The following CACNA1B variants were observed in gnomAD, a reference collection of about 807,000 sequenced individuals.
CACNA1B encodes the protein voltage-dependent N-type calcium channel subunit alpha-1B.
In CACNA1B, 70 loss-of-function variants were observed where a neutral mutation model predicts 247.2. That is an observed-to-expected ratio of 0.28 (90% confidence interval 0.23 to 0.35). The LOEUF is 0.35. CACNA1B is among the 10% of genes least tolerant of loss of function. The pLI, the probability that CACNA1B is intolerant of heterozygous loss-of-function variation, is 1.00. For missense variants in CACNA1B, 2,367 were observed against 3,197.4 expected (o/e 0.74, Z 6.26); for synonymous variants, 1,231 against 1,294.4 (o/e 0.95, Z 1.05).
At chr9:138,103,669 A>G (rs536201268) in intron 38 of CACNA1B, among the ~76,000 whole-genome samples, 1 of 152,288 alleles carries the variant, frequency 6.6e-6, no homozygotes, top group African/African-American at 2.4e-5. Context: ...CACCTACTCA[A>G]GAGCCCTCCT....
rs1437215340 is a variant in CACNA1B, at chr9:137,954,505, G to T, written c.1071-1193G>T. The stretch of plus-strand genomic sequence containing the variant: ...GCTCTGTGGAGGGGGCCAGACTGCT[G>T]GGGGGAGTTGCTGCTGGGAGCTCTC... On this transcript the variant is annotated intron_variant, in intron 7 of 46. Coordinates refer to ENST00000371372, the MANE Select transcript of CACNA1B (RefSeq NM_000718.4). The surrounding 1 kb of genome is among the most constrained non-coding windows in gnomAD (Gnocchi z 4.1). 6.6e-6 allele frequency among the ~76,000 whole-genome samples: 1 copy of T among 152,170 alleles called. No individual in the cohort carries two copies. The highest frequency in any genetic ancestry group is 1.5e-5 in the Non-Finnish European group (1 of 68,012).
intron 34 of CACNA1B, among the ~76,000 whole-genome samples, chr9:138,074,703 A>G (rs1045978204): frequency 6.6e-6 from 1 of 152,228 alleles, no homozygotes; most frequent in Non-Finnish European, 1.5e-5. Context: ...TGAGGGCTGC[A>G]TGGGCTCCCG....
intron 36 of CACNA1B, among the ~76,000 whole-genome samples, chr9:138,095,698 T>A (rs1162502719): frequency 6.6e-6 from 1 of 152,118 alleles, no homozygotes; most frequent in Admixed American, 6.5e-5. Flanking sequence ...ATCATAATAG[T>A]CAAAAGGCAG....
intron 6 of CACNA1B, among the ~76,000 whole-genome samples, chr9:137,929,307 A>T (rs1159296579): frequency 1.3e-5 from 2 of 152,186 alleles, no homozygotes; most frequent in East Asian, 3.9e-4. Flanking sequence ...TAATCCCAGC[A>T]CTTTGGGAGG....
In CACNA1B at chr9:138,013,115, CTT is replaced by C; in HGVS notation, c.2161-12_2161-11del. The C allele has an allele frequency of 1.9e-6, 3 of 1,603,622 alleles. No homozygotes were observed. The highest frequency in any genetic ancestry group is 4.5e-5 in the East Asian group (2 of 44,804). On this transcript the variant is annotated splice_polypyrimidine_tract_variant and intron_variant, in intron 17 of 46. Coordinates refer to ENST00000371372, the MANE Select transcript of CACNA1B (RefSeq NM_000718.4). ...ACTGTGAGGGGAACTGGACATTTCT[CTT>C]TGCTCAAACAGGATGAAGAGGAGAT...
chr9:137,981,240 T>C (rs1328706486), intron 12 of CACNA1B, among the ~76,000 whole-genome samples: 1 of 152,166 alleles, frequency 6.6e-6, no homozygotes, highest in East Asian at 1.9e-4. Flanking sequence ...TGATTAGTGG[T>C]GTTGAGCATT....
chr9:138,119,964 A>T (rs1411633053), intron 44 of CACNA1B, among the ~76,000 whole-genome samples: 1 of 152,094 alleles, frequency 6.6e-6, no homozygotes, highest in Non-Finnish European at 1.5e-5. Context: ...GACACATGGG[A>T]TGGGGCGGGG....
intron 16 of CACNA1B, 69 bp from the exon 17 acceptor site, chr9:138,009,941 T>A: frequency 8.1e-7 from 1 of 1,239,042 alleles, no homozygotes; most frequent in South Asian, 1.2e-5. Flanking sequence ...TCTGGGGAGA[T>A]GGGGGAAGCT....
chr9:137,965,020 C>T (rs545078171), intron 10 of CACNA1B, among the ~76,000 whole-genome samples: 1 of 152,184 alleles, frequency 6.6e-6, no homozygotes. Context: ...TTGGTGGTAT[C>T]GCCAGTGAAG....
intron 5 of CACNA1B, among the ~76,000 whole-genome samples, chr9:137,916,253 G>A (rs554126937): frequency 3.3e-5 from 5 of 152,110 alleles, no homozygotes; most frequent in South Asian, 2.1e-4. Flanking sequence ...GGCTGGTCTC[G>A]AACTCCTGAG....
At position 137,950,596 on chromosome 9, in the gene CACNA1B, G is replaced by A. The variant is rs901523002; in HGVS notation, c.967-1678G>A. On this transcript the variant is annotated intron_variant, in intron 6 of 46. Coordinates refer to ENST00000371372, the MANE Select transcript of CACNA1B (RefSeq NM_000718.4). This position sits in a 1 kb window ranked among gnomAD's most constrained non-coding sequence, Gnocchi z 4.8. ...AGGGAGGGATGGAGATGGAGCCAGCGTTTTCTGTGAGTTGTCTGAGAGCTC... is the reference window on the plus strand; with the variant it reads ...AGGGAGGGATGGAGATGGAGCCAGCATTTTCTGTGAGTTGTCTGAGAGCTC... Among the ~76,000 whole-genome samples, 1 of 152,174 alleles carries A rather than the reference G, an allele frequency of 6.6e-6. No homozygotes were observed. The highest frequency in any genetic ancestry group is 2.4e-5 in the African/African-American group (1 of 41,434).
rs200891295 is a variant in CACNA1B, at chr9:138,013,120, C to T, written c.2161-9C>T. On this transcript the variant is annotated splice_polypyrimidine_tract_variant and intron_variant, in intron 17 of 46. Coordinates refer to ENST00000371372, the MANE Select transcript of CACNA1B (RefSeq NM_000718.4). ...GAGGGGAACTGGACATTTCTCTTTG[C>T]TCAAACAGGATGAAGAGGAGATGGA... 6.2e-7 allele frequency: 1 copy of T among 1,607,470 alleles called. No homozygotes were observed. The highest frequency in any genetic ancestry group is 2.2e-5 in the East Asian group (1 of 44,826).
intron 40 of CACNA1B, 109 bp from the exon 41 acceptor site, chr9:138,114,267 CTT>C: frequency 1.5e-6 from 1 of 647,108 alleles, no homozygotes; most frequent in South Asian, 1.8e-5. Flanking sequence ...TTCCAGGAGT[CTT>C]TGTGGGGGGC....
rs1959425814 is a variant in CACNA1B, at chr9:138,054,619, T to A, written c.3968+613T>A. 6.6e-6 allele frequency among the ~76,000 whole-genome samples: 1 copy of A among 152,196 alleles called. No homozygotes were observed. Among genetic ancestry groups the A allele is most frequent in the South Asian group, 2.1e-4 (1 of 4,826 alleles). On this transcript the variant is annotated intron_variant, in intron 26 of 46. Transcript: ENST00000371372. This position sits in a 1 kb window ranked among gnomAD's most constrained non-coding sequence, Gnocchi z 4.6. The stretch of plus-strand genomic sequence containing the variant: ...CGTGTGACTGATGGGCACTTGGCTG[T>A]TTGCAGCTGGGAATGCTGCACGTGC...
intron 36 of CACNA1B, among the ~76,000 whole-genome samples, chr9:138,084,955 GAAA>G (rs540352266): frequency 1.1e-5 from 1 of 87,772 alleles, no homozygotes; most frequent in East Asian, 3.7e-4. Flanking sequence ...CCATCTCAAA[GAAA>G]AAAAAAAAAA....
At chr9:137,984,108 G>A (rs763928910) in intron 12 of CACNA1B, 30 bp from the exon 13 acceptor site, 2 of 1,513,248 alleles carry the variant, frequency 1.3e-6, no homozygotes, top group Admixed American at 3.8e-5. Flanking sequence ...CAGATACGGT[G>A]CACCCAAGGC....
At chr9:137,931,236 C>T (rs191724212) in intron 6 of CACNA1B, among the ~76,000 whole-genome samples, 37 of 151,676 alleles carry the variant, frequency 2.4e-4, no homozygotes, top group African/African-American at 8.0e-4. Context: ...GGATCGGGCT[C>T]GCGTAAACGG....
At position 137,915,633 on chromosome 9, in the gene CACNA1B, A is replaced by C. The variant is rs76435381; in HGVS notation, c.775+827A>C. On this transcript the variant is annotated intron_variant, in intron 5 of 46. Transcript: ENST00000371372. Reference sequence around the variant, plus strand: ...GATCGTTCGTGATTTTAAAAAAAAAACAAAAACCTTTAATCCAACTGTAAA... The same window carrying C: ...GATCGTTCGTGATTTTAAAAAAAAACCAAAAACCTTTAATCCAACTGTAAA... 9.9e-3 allele frequency among the ~76,000 whole-genome samples: 1,507 copies of C among 152,148 alleles called. 33 individuals are homozygous for C. Among genetic ancestry groups the C allele is most frequent in the African/African-American group, 0.034 (1,409 of 41,480 alleles).
chr9:138,041,060 A>G (rs1260650129), intron 20 of CACNA1B, among the ~76,000 whole-genome samples: 1 of 152,230 alleles, frequency 6.6e-6, no homozygotes, highest in African/African-American at 2.4e-5. Context: ...AGCTTAAATT[A>G]TCTCCAAATT....
Sources: gnomAD v4.1 joint callset for allele counts (sites outside exome capture counted in the v4.1 genomes callset) on GRCh38, gnomAD v4.1.1 for gene constraint, Gnocchi (gnomAD v3.1) non-coding constraint, MANE v1.5 for transcripts, NCBI Gene and HGNC (gene_info 2026-07-23, HGNC 2026-07-21) for gene names.